ADGRD1: variants seen among roughly 807,000 people sequenced by gnomAD.
ADGRD1 encodes the protein G-protein coupled receptor 133.
ADGRD1 carries 77 observed loss-of-function variants against 113.4 expected under a neutral mutation model. That is an observed-to-expected ratio of 0.68 (90% CI 0.57 to 0.82). The LOEUF is 0.82. Among genes scored for constraint, ADGRD1 ranks in the 40% least tolerant of loss-of-function variants. The pLI is 0.00. For synonymous variants in ADGRD1, 474 were observed against 475.0 expected (o/e 1.00, Z 0.03); for missense variants, 1,036 against 1,139.1 (o/e 0.91, Z 1.30).
chr12:131,108,432 A>C (rs1431800069), intron 17 of ADGRD1, among the ~76,000 whole-genome samples: 2 of 152,156 alleles, frequency 1.3e-5, no homozygotes, highest in African/African-American at 2.4e-5. Context: ...TCCCTGAGCC[A>C]ATCCTGTTGC....
At position 131,027,892 on chromosome 12, in the gene ADGRD1, C is replaced by T. The variant is rs1294465111; in HGVS notation, c.1473+13552C>T. 6.6e-6 allele frequency: 1 copy of T among 152,258 alleles called. No individual in the cohort carries two copies. The highest frequency in any genetic ancestry group is 1.5e-5 in the Non-Finnish European group (1 of 68,056). 9.4% of individuals were successfully genotyped at this position (152,258 alleles called of 1,614,324 possible). Reference sequence around the variant, plus strand: ...AGGTCAAGAAGCAGCACACGGCCAGCACCATGGAATGCCTTTTCCAGACGC... The same window carrying T: ...AGGTCAAGAAGCAGCACACGGCCAGTACCATGGAATGCCTTTTCCAGACGC... On this transcript the variant is annotated intron_variant, in intron 13 of 24. Transcript: ENST00000261654. This position sits in a 1 kb window ranked among gnomAD's most constrained non-coding sequence, Gnocchi z 5.1.
intron 2 of ADGRD1, among the ~76,000 whole-genome samples, chr12:130,956,048 C>CA (rs894140024): frequency 6.6e-6 from 1 of 152,246 alleles, no homozygotes; most frequent in African/African-American, 2.4e-5. Context: ...CTCGGCCTCC[C>CA]AAAGTGTTGG....
chr12:131,087,734 C>G (rs1048602466), intron 15 of ADGRD1, among the ~76,000 whole-genome samples: 1 of 152,240 alleles, frequency 6.6e-6, no homozygotes, highest in African/African-American at 2.4e-5. Context: ...CACGCCCCCC[C>G]CATGCCTTCC....
rs1951234145 is a variant in ADGRD1 at position 131,141,090 on chromosome 12, T to C, written c.*1827T>C. On this transcript the variant is annotated 3_prime_UTR_variant, in exon 25 of 25. Coordinates refer to ENST00000261654, the MANE Select transcript of ADGRD1 (RefSeq NM_198827.5). ...TGAGCACCTAGAAGTGAGAACACTGTATTCCTACAATGTACACTTGGATAT... is the reference window on the plus strand; with the variant it reads ...TGAGCACCTAGAAGTGAGAACACTGCATTCCTACAATGTACACTTGGATAT... The C allele has an allele frequency of 6.6e-6, 1 of 152,276 alleles. No homozygotes were observed. The highest frequency in any genetic ancestry group is 2.4e-5 in the African/African-American group (1 of 41,472). 9.4% of individuals were successfully genotyped at this position (152,276 alleles called of 1,614,324 possible). A position where few individuals can be genotyped will look rare whatever the true frequency, so the allele number is the denominator to read the frequency against.
At chr12:131,046,790 C>A (rs1467141823) in intron 13 of ADGRD1, among the ~76,000 whole-genome samples, 56 of 140,538 alleles carry the variant, frequency 4.0e-4, no homozygotes, top group Non-Finnish European at 7.7e-4. Flanking sequence ...AGTGTCCTCC[C>A]TGGTCAGTGT....
At chr12:131,136,568 C>G (rs933968771) in intron 22 of ADGRD1, among the ~76,000 whole-genome samples, 3 of 152,220 alleles carry the variant, frequency 2.0e-5, no homozygotes, top group African/African-American at 7.2e-5. Context: ...GCCCTCAGAC[C>G]CACAGGCCCC....
intron 9 of ADGRD1, among the ~76,000 whole-genome samples, chr12:131,000,928 A>G (rs544599851): frequency 1.7e-4 from 26 of 152,270 alleles, no homozygotes; most frequent in Admixed American, 1.6e-3. Context: ...TTGAGTAGAC[A>G]TGCAACTGAT....
chr12:131,012,638 G>T (rs1040516621), intron 12 of ADGRD1, among the ~76,000 whole-genome samples: 2 of 152,168 alleles, frequency 1.3e-5, no homozygotes, highest in East Asian at 1.9e-4. Context: ...ACGTGCTCCT[G>T]CTCCATGAGC....
intron 13 of ADGRD1, among the ~76,000 whole-genome samples, chr12:131,053,871 G>A (rs993240585): frequency 4.6e-5 from 7 of 152,172 alleles, no homozygotes; most frequent in African/African-American, 7.2e-5. Context: ...TGTAGTAGAC[G>A]TAAAGTCTTG....
chr12:131,045,295 G>A (rs569195039), intron 13 of ADGRD1, among the ~76,000 whole-genome samples: 4 of 152,374 alleles, frequency 2.6e-5, no homozygotes, highest in Admixed American at 6.5e-5. Flanking sequence ...TCATGTGGAC[G>A]CCGTAGGCGG....
chr12:131,019,597 C>T lies in ADGRD1; in HGVS notation c.1473+5257C>T, dbSNP rs368829580. On this transcript the variant is annotated intron_variant, in intron 13 of 24. Transcript: ENST00000261654. Reference sequence around the variant, plus strand: ...GAAATTTCAGAATTAGAATAAGCACCAAAAATACGTATTGCAAAGAGCCCA... The same window carrying T: ...GAAATTTCAGAATTAGAATAAGCACTAAAAATACGTATTGCAAAGAGCCCA... Among the ~76,000 whole-genome samples, 87 of 152,062 alleles carry T rather than the reference C, an allele frequency of 5.7e-4. No homozygotes were observed. In the South Asian group the frequency reaches 0.017, roughly 30 times the overall value.
chr12:131,044,753 C>T (rs1305288683), intron 13 of ADGRD1, among the ~76,000 whole-genome samples: 2 of 152,216 alleles, frequency 1.3e-5, no homozygotes, highest in African/African-American at 2.4e-5. Context: ...TACACACACA[C>T]GACGGCATCA....
chr12:131,129,555 A>G (rs561277853), intron 20 of ADGRD1, among the ~76,000 whole-genome samples: 46 of 151,646 alleles, frequency 3.0e-4, no homozygotes, highest in African/African-American at 9.5e-4. Context: ...GTTGTTTCCA[A>G]TCTTGTTACA....
chr12:131,012,159 T>G (rs1380420853), intron 12 of ADGRD1, among the ~76,000 whole-genome samples: 1 of 152,074 alleles, frequency 6.6e-6, no homozygotes, highest in Non-Finnish European at 1.5e-5. Context: ...TGTATCTCTG[T>G]GGGACTAAAA....
intron 14 of ADGRD1, among the ~76,000 whole-genome samples, chr12:131,080,651 C>T (rs577560402): frequency 2.0e-4 from 31 of 152,248 alleles, no homozygotes; most frequent in African/African-American, 7.0e-4. Flanking sequence ...GACAGAGTCT[C>T]GCTCTGTAAC....
At chr12:130,998,858 G>A (rs573808693) in intron 8 of ADGRD1, among the ~76,000 whole-genome samples, 10 of 152,306 alleles carry the variant, frequency 6.6e-5, no homozygotes, top group East Asian at 5.8e-4. Context: ...GTACTGTACC[G>A]TGAGGCAGTG....
At chr12:131,126,025 A>G (rs1236586346) in intron 20 of ADGRD1, among the ~76,000 whole-genome samples, 1 of 152,248 alleles carries the variant, frequency 6.6e-6, no homozygotes, top group African/African-American at 2.4e-5. Context: ...AACTGCCTGT[A>G]GATACATGTA....
intron 8 of ADGRD1, among the ~76,000 whole-genome samples, chr12:130,995,193 G>A (rs1005988620): frequency 5.9e-5 from 9 of 152,208 alleles, no homozygotes; most frequent in African/African-American, 2.2e-4. Context: ...AGTAGGACAA[G>A]CAGAACTTGG....
intron 13 of ADGRD1, among the ~76,000 whole-genome samples, chr12:131,044,967 T>C (rs1161779489): frequency 3.9e-5 from 6 of 152,254 alleles, no homozygotes; most frequent in African/African-American, 1.4e-4. Flanking sequence ...GGCTTCGCCC[T>C]CTTGTTCCTC....
Sources: allele counts gnomAD v4.1 joint callset (sites outside exome capture counted in the v4.1 genomes callset), GRCh38; gene constraint gnomAD v4.1.1; non-coding constraint Gnocchi (gnomAD v3.1); transcripts MANE v1.5; gene names NCBI Gene and HGNC (gene_info 2026-07-23, HGNC 2026-07-21).